The following GLI3 variants were observed in gnomAD, a reference collection of about 807,000 sequenced individuals.
GLI3 encodes the protein transcription activator GLI3.
In GLI3, 20 loss-of-function variants were observed where a neutral mutation model predicts 100.8. The ratio of observed to expected loss-of-function variants is 0.20; its 90% CI spans 0.14 to 0.29. GLI3 has a LOEUF of 0.29. GLI3 is among the 10% of genes least tolerant of loss of function. The pLI, the probability that GLI3 is intolerant of heterozygous loss-of-function variation, is 1.00. For synonymous variants in GLI3, 938 were observed against 860.5 expected, an observed-to-expected ratio of 1.09 and a Z score of -1.58; for missense variants, 2,040 against 2,128.5, an observed-to-expected ratio of 0.96 and a Z score of 0.82.
At chr7:42,160,491 T>G (rs1264408461) in intron 2 of GLI3, among the ~76,000 whole-genome samples, 3 of 152,322 alleles carry the variant, frequency 2.0e-5, no homozygotes, top group Admixed American at 2.0e-4. Flanking sequence ...TTCTAATAAT[T>G]TTGTGTATGA....
rs531002292 is a variant in GLI3 at position 42,198,337 on chromosome 7, G to C, written c.124+24793C>G. 3.3e-5 allele frequency among the ~76,000 whole-genome samples: 5 copies of C among 152,326 alleles called. 1 individual carries two copies. The highest frequency in any genetic ancestry group is 2.0e-4 in the Admixed American group (3 of 15,308). ...GAAGCCCTGGGCCAGGGCAGGTTCGGAGCTTCAGAGAGGCAGTCAAGTGTC... is the reference window on the plus strand; with the variant it reads ...GAAGCCCTGGGCCAGGGCAGGTTCGCAGCTTCAGAGAGGCAGTCAAGTGTC... On this transcript the variant is annotated intron_variant, in intron 2 of 14. Transcript: ENST00000395925.
intron 3 of GLI3, among the ~76,000 whole-genome samples, chr7:42,085,190 C>T (rs1183054164): frequency 6.6e-6 from 1 of 152,004 alleles, no homozygotes; most frequent in Middle Eastern, 3.2e-3. Context: ...GTTTGGTTAT[C>T]TCAGATCTAA....
At chr7:42,058,287 G>T (rs1784502360) in intron 4 of GLI3, among the ~76,000 whole-genome samples, 1 of 152,098 alleles carries the variant, frequency 6.6e-6, no homozygotes, top group Admixed American at 6.6e-5. Context: ...ATGAGGTGTG[G>T]GGATGTTCTA....
chr7:42,243,230 C>T (rs903108000), intron 1 of GLI3, among the ~76,000 whole-genome samples: 1 of 152,090 alleles, frequency 6.6e-6, no homozygotes, highest in African/African-American at 2.4e-5. Flanking sequence ...ATTCCAATAG[C>T]GTGGAGCCAA....
At chr7:41,990,864 A>G (rs1009626173) in intron 10 of GLI3, among the ~76,000 whole-genome samples, 2 of 133,928 alleles carry the variant, frequency 1.5e-5, no homozygotes, top group Admixed American at 7.1e-5. Context: ...AGATTAAGGC[A>G]AGTGTGTGTG....
At chr7:42,118,480 C>T (rs1029053132) in intron 3 of GLI3, 5 of 394,952 alleles carry the variant, frequency 1.3e-5, no homozygotes, top group African/African-American at 1.0e-4. Flanking sequence ...AGACCCCTAG[C>T]CCCCAATTTT....
intron 2 of GLI3, among the ~76,000 whole-genome samples, chr7:42,169,452 G>A (rs1017257298): frequency 6.6e-6 from 1 of 152,070 alleles, no homozygotes; most frequent in Non-Finnish European, 1.5e-5. Context: ...GGTATCAAAC[G>A]AAAAAGTGCT....
chr7:42,059,793 C>A (rs1024893361), intron 4 of GLI3, among the ~76,000 whole-genome samples: 1 of 152,254 alleles, frequency 6.6e-6, no homozygotes, highest in African/African-American at 2.4e-5. Flanking sequence ...CTTTCCTCTC[C>A]TCTTCCCCTA....
intron 2 of GLI3, among the ~76,000 whole-genome samples, chr7:42,216,534 G>A (rs1407556795): frequency 3.3e-5 from 5 of 152,178 alleles, no homozygotes; most frequent in Non-Finnish European, 5.9e-5. Flanking sequence ...TGTAACAAAT[G>A]TACCACATTA....
At chr7:42,019,225 TG>T (rs1788863908) in intron 10 of GLI3, among the ~76,000 whole-genome samples, 1 of 152,166 alleles carries the variant, frequency 6.6e-6, no homozygotes, top group Non-Finnish European at 1.5e-5. Context: ...CACACTGAGA[TG>T]GAAGTTCTTT....
intron 1 of GLI3, among the ~76,000 whole-genome samples, chr7:42,228,074 G>C (rs2128704399): frequency 6.6e-6 from 1 of 152,302 alleles, no homozygotes; most frequent in East Asian, 1.9e-4. Context: ...CGAGGTCCCA[G>C]GCCGCGGCGG....
At chr7:42,182,752 A>AT (rs996088125) in intron 2 of GLI3, among the ~76,000 whole-genome samples, 3 of 142,358 alleles carry the variant, frequency 2.1e-5, no homozygotes, top group Non-Finnish European at 4.5e-5. Context: ...ACACAGAGGA[A>AT]TTTTTTTGGC....
chr7:42,116,664 A>G (rs888808015), intron 3 of GLI3, among the ~76,000 whole-genome samples: 1 of 152,184 alleles, frequency 6.6e-6, no homozygotes, highest in African/African-American at 2.4e-5. Context: ...GAGATGGCCA[A>G]AGCATTCTCC....
chr7:42,233,805 C>T (rs1246255639), intron 1 of GLI3, among the ~76,000 whole-genome samples: 4 of 152,152 alleles, frequency 2.6e-5, no homozygotes, highest in African/African-American at 9.7e-5. Flanking sequence ...AAGAGAAGGG[C>T]AGTATCTTCT....
chr7:42,143,238 T>C (rs1036728246), intron 3 of GLI3, among the ~76,000 whole-genome samples: 2 of 152,116 alleles, frequency 1.3e-5, no homozygotes, highest in Non-Finnish European at 2.9e-5. Context: ...ACAATCTAAT[T>C]TTCAAAGGGC....
At chr7:42,185,363 T>C (rs1382638418) in intron 2 of GLI3, among the ~76,000 whole-genome samples, 1 of 152,228 alleles carries the variant, frequency 6.6e-6, no homozygotes, top group Non-Finnish European at 1.5e-5. Context: ...TCTTATTCCC[T>C]ATCACCCACT....
At position 41,966,400 on chromosome 7, in the gene GLI3, C is replaced by T. The variant is rs1787184299; in HGVS notation, c.2673G>A (p.Val891=). ...TGGAGATGGGGTCGTAGGAGTCGGC[C>T]ACGCTCACGTTCTGCGGCCGGCCCT... ...QAEGRPQNVS[V]ADSYDPISTD... is the part of the protein sequence containing the mutation. Residue 891 remains valine (V), a synonymous_variant, in exon 15 of 15, where the codon GTG becomes GTA. Coordinates refer to ENST00000395925, the MANE Select transcript of GLI3 (RefSeq NM_000168.6). The surrounding 1 kb of genome is among the most constrained non-coding windows in gnomAD (Gnocchi z 5.8). 3 of 1,610,820 alleles carry T rather than the reference C, an allele frequency of 1.9e-6. No homozygotes were observed. Among genetic ancestry groups the T allele is most frequent in the Admixed American group, 3.3e-5 (2 of 59,932 alleles).
chr7:42,084,706 T>C (rs1329681842), intron 3 of GLI3, among the ~76,000 whole-genome samples: 1 of 152,142 alleles, frequency 6.6e-6, no homozygotes, highest in South Asian at 2.1e-4. Flanking sequence ...TGTAAACATA[T>C]AAGGAATCAC....
rs886038264 is a variant in GLI3 at position 41,964,314 on chromosome 7, C to CT, written c.*15dup. On this transcript the variant is annotated 3_prime_UTR_variant, in exon 15 of 15. Coordinates refer to ENST00000395925, the MANE Select transcript of GLI3 (RefSeq NM_000168.6). ...CCTATTGATTTCCGTTGGTTGCAGT[C>CT]TTTTTTTCCTAAAGCCTATTGCATA... The CT allele has an allele frequency of 2.8e-5, 45 of 1,611,726 alleles. No individual in the cohort carries two copies. Among genetic ancestry groups the CT allele is most frequent in the Non-Finnish European group, 3.7e-5 (44 of 1,178,020 alleles).
Sources: allele counts gnomAD v4.1 joint callset (sites outside exome capture counted in the v4.1 genomes callset), GRCh38; gene constraint gnomAD v4.1.1; non-coding constraint Gnocchi (gnomAD v3.1); transcripts MANE v1.5; gene names NCBI Gene and HGNC (gene_info 2026-07-23, HGNC 2026-07-21).